TMEM132C: variants seen among roughly 807,000 people sequenced by gnomAD.
TMEM132C encodes protein phosphatase 1, regulatory subunit 152.
A neutral mutation model predicts 61.4 loss-of-function variants in TMEM132C; 29 were observed. That is an observed-to-expected ratio of 0.47 (90% CI 0.35 to 0.64). TMEM132C has a LOEUF of 0.64. Ranked by LOEUF, TMEM132C falls within the 30% of genes least tolerant of loss-of-function variation. TMEM132C has a pLI of 0.00. For synonymous variants in TMEM132C, 656 were observed against 633.1 expected (o/e 1.04, Z -0.54); for missense variants, 1,408 against 1,476.9 (o/e 0.95, Z 0.76).
intron 8 of TMEM132C, among the ~76,000 whole-genome samples, chr12:128,698,594 G>C (rs1277716962): frequency 2.0e-5 from 3 of 152,232 alleles, no homozygotes; most frequent in African/African-American, 7.2e-5. Flanking sequence ...GCTAAAAACA[G>C]TGGCTGGCAC....
chr12:128,571,477 C>G (rs1005087627), intron 3 of TMEM132C, among the ~76,000 whole-genome samples: 2 of 152,172 alleles, frequency 1.3e-5, no homozygotes, highest in African/African-American at 4.8e-5. Flanking sequence ...AACTGTTGAG[C>G]AACCATCACC....
intron 1 of TMEM132C, among the ~76,000 whole-genome samples, chr12:128,330,811 G>A (rs1253198914): frequency 6.6e-6 from 1 of 152,106 alleles, no homozygotes; most frequent in Non-Finnish European, 1.5e-5. Context: ...GGTAGACTAT[G>A]AAAAGAAGCT....
At chr12:128,436,396 C>G (rs1254382929) in intron 2 of TMEM132C, among the ~76,000 whole-genome samples, 1 of 152,124 alleles carries the variant, frequency 6.6e-6, no homozygotes, top group African/African-American at 2.4e-5. Flanking sequence ...TTGCAATCTC[C>G]CCATCTGACA....
chr12:128,348,360 C>T (rs982777966), intron 1 of TMEM132C, among the ~76,000 whole-genome samples: 2 of 152,196 alleles, frequency 1.3e-5, no homozygotes, highest in Admixed American at 6.5e-5. Flanking sequence ...GAATACAGAT[C>T]ATGCCACCTG....
At chr12:128,464,336 C>G (rs1028434828) in intron 2 of TMEM132C, among the ~76,000 whole-genome samples, 2 of 152,226 alleles carry the variant, frequency 1.3e-5, no homozygotes, top group Non-Finnish European at 2.9e-5. Flanking sequence ...TTGGCCCTCC[C>G]CACATCCTAG....
intron 1 of TMEM132C, among the ~76,000 whole-genome samples, chr12:128,296,738 C>T (rs1871427744): frequency 6.6e-6 from 1 of 152,090 alleles, no homozygotes; most frequent in Non-Finnish European, 1.5e-5. Context: ...GAAGATGGGG[C>T]AATAAAGTCA....
At chr12:128,292,969 T>C (rs1420698200) in intron 1 of TMEM132C, among the ~76,000 whole-genome samples, 2 of 149,972 alleles carry the variant, frequency 1.3e-5, no homozygotes, top group Non-Finnish European at 2.9e-5. Flanking sequence ...TGTGTGTGTA[T>C]ATGCAAGCAC....
chr12:128,580,290 G>A (rs1034065920), intron 3 of TMEM132C, among the ~76,000 whole-genome samples: 2 of 152,046 alleles, frequency 1.3e-5, no homozygotes, highest in East Asian at 1.9e-4. Context: ...ACGTGGTGGC[G>A]GGCGCCTGTA....
chr12:128,433,891 C>T (rs79462816), intron 2 of TMEM132C, among the ~76,000 whole-genome samples: 2,285 of 152,298 alleles, frequency 0.015, 62 homozygotes, highest in African/African-American at 0.05. Context: ...CTGTGCAGTA[C>T]AAAAGACAGA....
chr12:128,610,906 G>A (rs537123455), intron 3 of TMEM132C, among the ~76,000 whole-genome samples: 90 of 152,230 alleles, frequency 5.9e-4, no homozygotes, highest in African/African-American at 1.9e-3. Context: ...ACTGTGGTTC[G>A]TTCTCAGGAA....
intron 1 of TMEM132C, among the ~76,000 whole-genome samples, chr12:128,411,493 T>TAAA (rs1868545948): frequency 1.3e-5 from 2 of 152,218 alleles, no homozygotes; most frequent in Non-Finnish European, 1.5e-5. Context: ...GATGCTCAAA[T>TAAA]TATCTTCAGT....
At chr12:128,418,374 CTTAAT>C (rs1868857002) in intron 2 of TMEM132C, among the ~76,000 whole-genome samples, 1 of 152,074 alleles carries the variant, frequency 6.6e-6, no homozygotes, top group Non-Finnish European at 1.5e-5. Flanking sequence ...AGAGTCTCGG[CTTAAT>C]TTGAGTTGCC....
intron 2 of TMEM132C, among the ~76,000 whole-genome samples, chr12:128,501,495 A>G (rs1040580128): frequency 2.0e-5 from 3 of 152,196 alleles, no homozygotes; most frequent in Admixed American, 6.5e-5. Flanking sequence ...TTACAGCTTG[A>G]GACCATGGAA....
chr12:128,376,526 T>C (rs150525646), intron 1 of TMEM132C, among the ~76,000 whole-genome samples: 116 of 152,318 alleles, frequency 7.6e-4, no homozygotes, highest in African/African-American at 2.6e-3. Flanking sequence ...GAAAAACTCA[T>C]GAACTTGAAG....
intron 1 of TMEM132C, among the ~76,000 whole-genome samples, chr12:128,290,319 A>G (rs1871209548): frequency 1.3e-5 from 2 of 152,114 alleles, no homozygotes; most frequent in East Asian, 3.9e-4. Context: ...GAAGCAAGGG[A>G]CGTCCTACAT....
At chr12:128,560,389 C>A (rs903146111) in intron 3 of TMEM132C, among the ~76,000 whole-genome samples, 1 of 152,238 alleles carries the variant, frequency 6.6e-6, no homozygotes, top group African/African-American at 2.4e-5. Context: ...CCATCACTTG[C>A]AACTCATCTC....
At position 128,478,679 on chromosome 12, in the gene TMEM132C, G is replaced by A. The variant is rs550274458; in HGVS notation, c.974+63059G>A. Among the ~76,000 whole-genome samples, 10 of 152,286 alleles carry A rather than the reference G, an allele frequency of 6.6e-5. 1 individual carries two copies. In the South Asian group the frequency reaches 2.1e-3, roughly 32 times the overall value. ...GAAAAGACAAGTCCTCTGGCTTCAA[G>A]CACTCTCAGTGCCACATTACCGGAG... On this transcript the variant is annotated intron_variant, in intron 2 of 8. Coordinates refer to ENST00000435159, the MANE Select transcript of TMEM132C (RefSeq NM_001136103.3).
intron 2 of TMEM132C, chr12:128,437,774 C>T (rs1869650345): frequency 6.6e-6 from 1 of 152,184 alleles, no homozygotes; most frequent in African/African-American, 2.4e-5. Context: ...TTATTTCTGA[C>T]TAGACTTGGA....
Position 128,494,690 on chromosome 12 carries a change from G to C in TMEM132C, c.975-49267G>C, listed in dbSNP as rs544797446. On this transcript the variant is annotated intron_variant, in intron 2 of 8. Transcript: ENST00000435159. ...TTTGTATTTCTGTGGGATCGGTGGT[G>C]ATATCCCCTTTATCATTTTTTATTG... Among the ~76,000 whole-genome samples, 87 of 152,152 alleles carry C rather than the reference G, an allele frequency of 5.7e-4. 1 individual carries two copies. The highest frequency in any genetic ancestry group is 1.9e-3 in the African/African-American group (80 of 41,540).
Sources: allele counts gnomAD v4.1 joint callset (sites outside exome capture counted in the v4.1 genomes callset), GRCh38; gene constraint gnomAD v4.1.1; transcripts MANE v1.5; gene names NCBI Gene and HGNC (gene_info 2026-07-23, HGNC 2026-07-21).